The following ANK2 variants were observed in gnomAD, a reference collection of about 807,000 sequenced individuals.
The protein encoded by ANK2 is ankyrin 2, also known as ankyrin-2.
A neutral mutation model predicts 360.5 loss-of-function variants in ANK2; 83 were observed. That is an observed-to-expected ratio of 0.23 (90% CI 0.19 to 0.28). The LOEUF is 0.28. ANK2 is among the 10% of genes least tolerant of loss of function. The pLI, the probability that ANK2 is intolerant of heterozygous loss-of-function variation, is 1.00. For synonymous variants in ANK2, 1,740 were observed against 1,759.5 expected, an observed-to-expected ratio of 0.99 and a Z score of 0.28; for missense variants, 4,201 against 4,795.7, an observed-to-expected ratio of 0.88 and a Z score of 3.66.
intron 23 of ANK2, among the ~76,000 whole-genome samples, chr4:113,310,582 A>G (rs2079409001): frequency 1.3e-5 from 2 of 152,062 alleles, no homozygotes; most frequent in South Asian, 4.1e-4. Flanking sequence ...ACGCCCAGCT[A>G]ATTTTTGTAT....
At chr4:112,738,970 G>A in the ANK2 span, 1 of 705,958 alleles carries the variant, frequency 1.4e-6, no homozygotes. Context: ...AAGTGCTGCT[G>A]ATGTGCAACA....
At chr4:113,052,199 G>C (rs995920550) in intron 1 of ANK2, among the ~76,000 whole-genome samples, 3 of 152,134 alleles carry the variant, frequency 2.0e-5, no homozygotes, top group Non-Finnish European at 4.4e-5. Flanking sequence ...AATGTGCCTT[G>C]ATGAGGACAT....
In ANK2 at chr4:113,338,782, C is replaced by A. The variant is rs1026422891; in HGVS notation, c.3797-444C>A. Among the ~76,000 whole-genome samples the A allele has an allele frequency of 2.0e-5, 3 of 151,972 alleles. No individual in the cohort carries two copies. The South Asian group carries it at 6.2e-4, about 32-fold the overall frequency. Reference sequence around the variant, plus strand: ...GCCAGGATGGTCTTGATCTCCTGACCTTGTGACCCGCCCACCTCAGCCTCC... The same window carrying A: ...GCCAGGATGGTCTTGATCTCCTGACATTGTGACCCGCCCACCTCAGCCTCC... On this transcript the variant is annotated intron_variant, in intron 31 of 45. Coordinates refer to ENST00000357077, the MANE Select transcript of ANK2 (RefSeq NM_001148.6).
intron 2 of ANK2, among the ~76,000 whole-genome samples, chr4:112,958,858 T>TTTC (rs2033004509): frequency 1.3e-5 from 2 of 152,052 alleles, no homozygotes; most frequent in South Asian, 4.1e-4. Context: ...TCTTTTTCTT[T>TTTC]TTTTTTGGTG....
chr4:113,244,222 A>G (rs2041608257), intron 9 of ANK2, among the ~76,000 whole-genome samples: 2 of 145,562 alleles, frequency 1.4e-5, no homozygotes, highest in East Asian at 2.1e-4. Context: ...TAAACATTCC[A>G]TTCATTTATT....
chr4:112,801,012 A>G, the ANK2 span, among the ~76,000 whole-genome samples: 1 of 152,106 alleles, frequency 6.6e-6, no homozygotes, highest in Non-Finnish European at 1.5e-5. Flanking sequence ...CAAAGCTGAG[A>G]GCTATTCATT....
At chr4:113,348,224 T>C (rs1398766227) in intron 35 of ANK2, 52 bp from the exon 36 acceptor site, 10 of 1,580,988 alleles carry the variant, frequency 6.3e-6, no homozygotes, top group Middle Eastern at 1.7e-4. Context: ...AAATACTCTC[T>C]ACTCTTCCTT....
intron 45 of ANK2, among the ~76,000 whole-genome samples, chr4:113,374,231 CTTTAA>C (rs547381220): frequency 4.6e-5 from 7 of 152,198 alleles, no homozygotes; most frequent in Admixed American, 2.6e-4. Flanking sequence ...GCAATCTATA[CTTTAA>C]TTTATTTCTG....
At chr4:113,376,967 A>T (rs1247576122) in intron 45 of ANK2, among the ~76,000 whole-genome samples, 1 of 152,040 alleles carries the variant, frequency 6.6e-6, no homozygotes, top group Non-Finnish European at 1.5e-5. Flanking sequence ...TATCCTAAGA[A>T]AACAATGCCT....
the ANK2 span, among the ~76,000 whole-genome samples, chr4:112,809,540 G>A: frequency 1.7e-5 from 2 of 118,770 alleles, no homozygotes. Context: ...CAGCCTGGGC[G>A]ACAGAGCAAG....
intron 2 of ANK2, among the ~76,000 whole-genome samples, chr4:112,918,261 T>C (rs1051772252): frequency 6.6e-6 from 1 of 152,100 alleles, no homozygotes; most frequent in Admixed American, 6.6e-5. Flanking sequence ...CCTGAGGTGA[T>C]GGTTGAAGTC....
chr4:113,293,304 A>G lies in ANK2; in HGVS notation c.2377-136A>G, dbSNP rs751091463. The G allele has an allele frequency of 7.6e-6, 6 of 787,762 alleles. No homozygotes were observed. In the East Asian group the frequency reaches 1.6e-4, roughly 21 times the overall value. 48.8% of individuals were successfully genotyped at this position (787,762 alleles called of 1,614,324 possible). ...AAGACAGATTTAGACGTAATGGTAA[A>G]AACTAGTGATTTTCCTAAGCTGTGC... On this transcript the variant is annotated intron_variant, in intron 21 of 45. Transcript: ENST00000357077.
the ANK2 span, among the ~76,000 whole-genome samples, chr4:112,732,519 T>C: frequency 6.6e-6 from 1 of 152,128 alleles, no homozygotes; most frequent in South Asian, 2.1e-4. Flanking sequence ...AGTGCTGAAA[T>C]CACAGGCCTG....
chr4:113,265,072 G>A (rs1268062656), intron 14 of ANK2, 77 bp downstream of exon 14: 14 of 1,351,764 alleles, frequency 1.0e-5, no homozygotes, highest in East Asian at 2.5e-5. Flanking sequence ...TTGCCCTTCA[G>A]TTCCTTGATT....
At chr4:112,743,194 C>T in the ANK2 span, among the ~76,000 whole-genome samples, 1 of 152,106 alleles carries the variant, frequency 6.6e-6, no homozygotes, top group Non-Finnish European at 1.5e-5. Flanking sequence ...TTTTTGGGGA[C>T]AGAAACATGA....
At chr4:113,301,808 A>G (rs1252412813) in intron 22 of ANK2, among the ~76,000 whole-genome samples, 1 of 152,240 alleles carries the variant, frequency 6.6e-6, no homozygotes, top group Non-Finnish European at 1.5e-5. Context: ...AGTGCCAAGC[A>G]TGCAGTAGAC....
At chr4:113,168,952 G>A (rs1023479459) in intron 1 of ANK2, among the ~76,000 whole-genome samples, 6 of 152,064 alleles carry the variant, frequency 3.9e-5, no homozygotes, top group Non-Finnish European at 4.4e-5. Context: ...GGTTCATTTT[G>A]TCCTTTTATA....
chr4:112,829,856 G>A (rs1397864044), intron 1 of ANK2, among the ~76,000 whole-genome samples: 1 of 152,118 alleles, frequency 6.6e-6, no homozygotes, highest in African/African-American at 2.4e-5. Flanking sequence ...CTACTTGGGA[G>A]GCTGAGGCGG....
rs185823823 is a variant in ANK2, at chr4:113,202,366, A to G, written c.384+3257A>G. Among the ~76,000 whole-genome samples the G allele has an allele frequency of 2.5e-3, 377 of 152,218 alleles. 3 individuals carry two copies. The highest frequency in any genetic ancestry group is 8.2e-3 in the African/African-American group (342 of 41,534). Reference sequence around the variant, plus strand: ...GGGGTGTCAAGTGGATGGATGGGAGACTTGCTTATGGCAGTTAAACAATCT... The same window carrying G: ...GGGGTGTCAAGTGGATGGATGGGAGGCTTGCTTATGGCAGTTAAACAATCT... On this transcript the variant is annotated intron_variant, in intron 4 of 45. Coordinates refer to ENST00000357077, the MANE Select transcript of ANK2 (RefSeq NM_001148.6).
Sources: allele counts gnomAD v4.1 joint callset (sites outside exome capture counted in the v4.1 genomes callset), GRCh38; gene constraint gnomAD v4.1.1; transcripts MANE v1.5; gene names NCBI Gene and HGNC (gene_info 2026-07-23, HGNC 2026-07-21).